DNAH17: variants seen among roughly 807,000 people sequenced by gnomAD.
The protein encoded by DNAH17 is dynein axonemal heavy chain 17, also known as axonemal beta dynein heavy chain 17.
Under a neutral mutation model 485.6 loss-of-function variants are expected in DNAH17, and 376 were observed. The observed-to-expected ratio is 0.77, with a 90% CI of 0.71 to 0.84. The LOEUF is 0.84. DNAH17 is among the 40% of genes least tolerant of loss of function. The probability of loss-of-function intolerance (pLI) is 0.00; values close to 1 mark genes in which losing one functional copy is unlikely to be tolerated. For missense variants in DNAH17, 6,370 were observed against 5,839.3 expected (o/e 1.09, Z -2.96); for synonymous variants, 3,031 against 2,405.9 (o/e 1.26, Z -7.60).
intron 54 of DNAH17, chr17:78,472,630 G>T (rs553252980): frequency 5.1e-5 from 22 of 427,264 alleles, no homozygotes; most frequent in Non-Finnish European, 8.1e-5. Flanking sequence ...GGGGCTGTGT[G>T]TGGGGTGTGG....
chr17:78,531,722 T>A (rs188848699), intron 20 of DNAH17, among the ~76,000 whole-genome samples: 1 of 152,236 alleles, frequency 6.6e-6, no homozygotes, highest in Non-Finnish European at 1.5e-5. Context: ...CTTTTTCTAT[T>A]CTTTTGCATT....
At chr17:78,476,393 C>T (rs575524989) in intron 52 of DNAH17, among the ~76,000 whole-genome samples, 179 bp downstream of exon 52, 40 of 151,682 alleles carry the variant, frequency 2.6e-4, no homozygotes, top group Non-Finnish European at 5.6e-4. Flanking sequence ...CCGGAGTTAT[C>T]GCGTGGAACC....
In DNAH17 at chr17:78,444,677, T is replaced by TCCA; in HGVS notation, c.11452_11454dup (p.Trp3818dup). 6.2e-7 allele frequency: 1 copy of TCCA among 1,610,366 alleles called. No individual in the cohort carries two copies. On this transcript the variant is annotated inframe_insertion, in exon 71 of 81. Transcript: ENST00000389840. Reference sequence around the variant, plus strand: ...AGCTTCTGCAGGGCCGTCTTGTTCTTCCACTCCTTGGGGAAGATCTCCTTC... The same window carrying TCCA: ...AGCTTCTGCAGGGCCGTCTTGTTCTTCCACCACTCCTTGGGGAAGATCTCCTTC...
intron 60 of DNAH17, 140 bp from the exon 61 acceptor site, chr17:78,459,348 G>A (rs1010752182): frequency 1.2e-6 from 1 of 817,074 alleles, no homozygotes; most frequent in South Asian, 1.5e-5. Context: ...GCTGGCCCTA[G>A]AGGCCACCCC....
chr17:78,573,892 T>C (rs1403126148), intron 2 of DNAH17, among the ~76,000 whole-genome samples: 1 of 152,052 alleles, frequency 6.6e-6, no homozygotes, highest in Non-Finnish European at 1.5e-5. Context: ...CCAGGAAGGA[T>C]AAGGCACCCC....
chr17:78,543,748 A>G (rs1233103716), intron 17 of DNAH17, 109 bp downstream of exon 17: 1 of 1,526,454 alleles, frequency 6.6e-7, no homozygotes, highest in Non-Finnish European at 9.0e-7. Flanking sequence ...CTATGACTAC[A>G]AGAAATGTGT....
intron 74 of DNAH17, among the ~76,000 whole-genome samples, chr17:78,435,200 G>C (rs964915588): frequency 6.6e-6 from 1 of 152,176 alleles, no homozygotes; most frequent in African/African-American, 2.4e-5. Flanking sequence ...GAGCCAGAGT[G>C]ACACCAGCCA....
rs550029469 is a variant in DNAH17, at chr17:78,553,282, T to TG, written c.2179-478dup. On this transcript the variant is annotated intron_variant, in intron 14 of 80. Transcript: ENST00000389840. ...TAAATTACCCAGTCCCAGGTTTTTG[T>TG]GTTTTTTTTTTTTTTTTTTTTTTTT... 1.9e-3 allele frequency among the ~76,000 whole-genome samples: 168 copies of TG among 90,638 alleles called. 20 individuals carry two copies. The highest frequency in any genetic ancestry group is 2.4e-3 in the African/African-American group (51 of 21,068). The allele number at this position is 90,638 out of a possible 152,430, so 59.5% of individuals were successfully genotyped here.
Position 78,444,390 on chromosome 17 carries a change from C to T in DNAH17, c.11528+214G>A, listed in dbSNP as rs540460831. On this transcript the variant is annotated intron_variant, in intron 71 of 80. Coordinates refer to ENST00000389840, the MANE Select transcript of DNAH17 (RefSeq NM_173628.4). ...AACAAGAACTCAGGACTGGAGTCCG[C>T]AGCCTGGGGTGGAATCCTGCCTCTG... 3.9e-5 allele frequency among the ~76,000 whole-genome samples: 6 copies of T among 152,336 alleles called. No homozygotes were observed. In the South Asian group the frequency reaches 1.2e-3, roughly 32 times the overall value.
rs189546240 is a variant in DNAH17, at chr17:78,432,933, G to A, written c.12225+1096C>T. Among the ~76,000 whole-genome samples, 87 of 98,190 alleles carry A rather than the reference G, an allele frequency of 8.9e-4. 2 individuals carry two copies. The highest frequency in any genetic ancestry group is 3.2e-3 in the African/African-American group (84 of 25,962). The allele number at this position is 98,190 out of a possible 152,430, so 64.4% of individuals were successfully genotyped here. A position where few individuals can be genotyped will look rare whatever the true frequency, so the allele number is the denominator to read the frequency against. On this transcript the variant is annotated intron_variant, in intron 75 of 80. Coordinates refer to ENST00000389840, the MANE Select transcript of DNAH17 (RefSeq NM_173628.4). ...CCCCCCCGACCCCGGTGCCAGCACC[G>A]TTTCTCACCATGTCACATCCAGGCC...
At chr17:78,473,272 C>T (rs1267653980) in intron 54 of DNAH17, among the ~76,000 whole-genome samples, 3 of 152,186 alleles carry the variant, frequency 2.0e-5, no homozygotes, top group Non-Finnish European at 4.4e-5. Context: ...TGGCCGGGCG[C>T]AGTGGCTCAC....
chr17:78,458,871 G>C, intron 61 of DNAH17, 130 bp downstream of exon 61: 1 of 1,136,322 alleles, frequency 8.8e-7, no homozygotes. Flanking sequence ...GCCTCTGCCT[G>C]CATCCTCTTG....
At chr17:78,533,172 C>T (rs142539950) in intron 19 of DNAH17, 2 of 189,598 alleles carry the variant, frequency 1.1e-5, no homozygotes, top group East Asian at 2.8e-4. Context: ...CACATTGATT[C>T]ATTCATTCGA....
chr17:78,534,395 G>A (rs189246693), intron 19 of DNAH17, among the ~76,000 whole-genome samples: 8,791 of 132,120 alleles, frequency 0.067, 472 homozygotes, highest in East Asian at 0.25. Flanking sequence ...GGGCTGGGCC[G>A]GGCCACCCTG....
In DNAH17 at chr17:78,450,683, T is replaced by A; in HGVS notation, c.10898A>T (p.Lys3633Met). ...TKHTASEIEE[K>M]VVEAKITEVK... ...GCACGTCACCGAGGCAGCTCTGACC[T>A]TCTCCTCGATCTCGCTGGCTGTGTG... Residue 3633 changes from lysine (K) to methionine (M), a missense_variant and splice_region_variant, in exon 67 of 81, where the codon AAG becomes ATG. Lys to Met is a moderately conservative substitution (Grantham distance 95, BLOSUM62 -1). Coordinates refer to ENST00000389840, the MANE Select transcript of DNAH17 (RefSeq NM_173628.4). 1 of 1,612,018 alleles carries A rather than the reference T, an allele frequency of 6.2e-7. No individual in the cohort carries two copies. Among genetic ancestry groups the A allele is most frequent in the Non-Finnish European group, 8.5e-7 (1 of 1,179,138 alleles).
chr17:78,454,702 G>A lies in DNAH17; in HGVS notation c.10174C>T (p.Pro3392Ser), dbSNP rs1478790522. The A allele has an allele frequency of 6.2e-7, 1 of 1,611,510 alleles. No homozygotes were observed. The highest frequency in any genetic ancestry group is 8.5e-7 in the Non-Finnish European group (1 of 1,179,596). Residue 3392 changes from proline (P) to serine (S), a missense_variant, in exon 64 of 81, where the codon CCC becomes TCC. Pro to Ser is a moderately conservative substitution (Grantham distance 74). Coordinates refer to ENST00000389840, the MANE Select transcript of DNAH17 (RefSeq NM_173628.4). Reference sequence around the variant, plus strand: ...TCCAGGCCATTCGTGATCGGGATGGGGACCTGCCCAGGGAGGCACACTTTC... The same window carrying A: ...TCCAGGCCATTCGTGATCGGGATGGAGACCTGCCCAGGGAGGCACACTTTC... ...WIPYIHNLKVPIPITNGLDPL... is the reference protein window; with the variant it reads ...WIPYIHNLKVSIPITNGLDPL...
Position 78,494,154 on chromosome 17 carries a change from A to G in DNAH17, c.6290T>C (p.Val2097Ala). ...NFEKIIKQSI[V>A]ELKLQAEDSF... ...GTCCTCCGCCTGCAGCTTGAGCTCC[A>G]CGATGCTCTGCTTGATGATCTGGGG... Residue 2097 changes from valine to alanine, a missense_variant, in exon 41 of 81, where the codon GTG becomes GCG. Val to Ala is a moderately conservative substitution (Grantham distance 64). Coordinates refer to ENST00000389840, the MANE Select transcript of DNAH17 (RefSeq NM_173628.4). 1 of 1,612,296 alleles carries G rather than the reference A, an allele frequency of 6.2e-7. No homozygotes were observed.
intron 3 of DNAH17, 99 bp from the exon 4 acceptor site, chr17:78,571,881 C>G (rs958584190): frequency 2.5e-6 from 3 of 1,182,608 alleles, no homozygotes; most frequent in Middle Eastern, 2.4e-4. Flanking sequence ...TCCCAAACCA[C>G]CAGCAGCAGC....
At chr17:78,560,552 G>A (rs2092130770) in intron 13 of DNAH17, among the ~76,000 whole-genome samples, 188 bp downstream of exon 13, 1 of 152,166 alleles carries the variant, frequency 6.6e-6, no homozygotes, top group Non-Finnish European at 1.5e-5. Flanking sequence ...ACTCATTGAA[G>A]CTATTGTCAA....
Sources: gnomAD v4.1 joint callset for allele counts (sites outside exome capture counted in the v4.1 genomes callset) on GRCh38, gnomAD v4.1.1 for gene constraint, MANE v1.5 for transcripts, NCBI Gene and HGNC (gene_info 2026-07-23, HGNC 2026-07-21) for gene names.